The following AGBL3 variants were observed in gnomAD, a reference collection of about 807,000 sequenced individuals.
The protein encoded by AGBL3 is AGBL carboxypeptidase 3, also known as cytosolic carboxypeptidase 3.
Under a neutral mutation model 94.5 loss-of-function variants are expected in AGBL3, and 68 were observed. That is an observed-to-expected ratio of 0.72 (90% CI 0.59 to 0.88). The LOEUF (loss-of-function observed/expected upper bound fraction) is 0.88. Among genes scored for constraint, AGBL3 ranks in the 40% least tolerant of loss-of-function variants. AGBL3 has a pLI of 0.00. For synonymous variants in AGBL3, 354 were observed against 370.7 expected, an observed-to-expected ratio of 0.95 and a Z score of 0.52; for missense variants, 934 against 1,103.8, an observed-to-expected ratio of 0.85 and a Z score of 2.18.
rs531216809 is a variant in AGBL3 at position 135,032,918 on chromosome 7, C to T, written c.493C>T (p.Arg165Cys). The change falls in exon 6 of 17, where the codon CGT becomes TGT. Residue 165 changes from arginine to cysteine, a missense_variant. Arg to Cys is a radical substitution (Grantham distance 180). Coordinates refer to ENST00000436302, the MANE Select transcript of AGBL3 (RefSeq NM_178563.4). ...RTPLKQPVDY[R>C]DNTLMFEARF... ...ACCTTTGAAGCAGCCTGTGGATTAC[C>T]GTGACAATACTTTGATGTTTGAAGC... 51 of 1,551,326 alleles carry T rather than the reference C, an allele frequency of 3.3e-5. No individual in the cohort carries two copies. The highest frequency in any genetic ancestry group is 8.2e-5 in the African/African-American group (6 of 73,066).
At chr7:135,069,917 A>C (rs1819718099) in intron 12 of AGBL3, among the ~76,000 whole-genome samples, 1 of 152,242 alleles carries the variant, frequency 6.6e-6, no homozygotes, top group Non-Finnish European at 1.5e-5. Flanking sequence ...AACCCTTCAA[A>C]AAATCAATGA....
At chr7:135,077,125 T>C (rs1053349886) in intron 13 of AGBL3, among the ~76,000 whole-genome samples, 3 of 152,104 alleles carry the variant, frequency 2.0e-5, no homozygotes, top group Admixed American at 6.5e-5. Flanking sequence ...TCCCCAGAGC[T>C]ACCAAAGGGC....
At chr7:135,005,506 C>T (rs1360699229) in intron 4 of AGBL3, among the ~76,000 whole-genome samples, 1 of 151,680 alleles carries the variant, frequency 6.6e-6, no homozygotes, top group Non-Finnish European at 1.5e-5. Flanking sequence ...GATTAGGACT[C>T]AGCTCAATGT....
chr7:135,023,214 T>A (rs920267151), intron 5 of AGBL3, among the ~76,000 whole-genome samples: 5 of 152,146 alleles, frequency 3.3e-5, no homozygotes, highest in African/African-American at 1.2e-4. Flanking sequence ...GATGGCTGAC[T>A]AGACAGTCAG....
intron 11 of AGBL3, among the ~76,000 whole-genome samples, chr7:135,047,281 T>C (rs1483130928): frequency 6.6e-6 from 1 of 151,748 alleles, no homozygotes; most frequent in African/African-American, 2.4e-5. Flanking sequence ...TCTTTATCCA[T>C]TCATTTGTCA....
At chr7:135,106,276 G>A (rs1824704385) in intron 15 of AGBL3, among the ~76,000 whole-genome samples, 1 of 152,150 alleles carries the variant, frequency 6.6e-6, no homozygotes, top group African/African-American at 2.4e-5. Flanking sequence ...TGAATAGAAA[G>A]GTGAGAGAGG....
intron 15 of AGBL3, among the ~76,000 whole-genome samples, chr7:135,099,428 T>TTAAA (rs1209947156): frequency 1.3e-5 from 2 of 152,234 alleles, no homozygotes; most frequent in African/African-American, 4.8e-5. Context: ...AAACTAGCCA[T>TTAAA]TAAATATATG....
chr7:135,105,890 T>C (rs1824638237), intron 15 of AGBL3, among the ~76,000 whole-genome samples: 1 of 152,198 alleles, frequency 6.6e-6, no homozygotes, highest in South Asian at 2.1e-4. Context: ...GTTCCATTTG[T>C]TTATGTCACT....
Position 135,032,839 on chromosome 7 carries a change from AT to A in AGBL3, c.419-4del. The A allele has an allele frequency of 6.5e-7, 1 of 1,543,306 alleles. No homozygotes were observed. Among genetic ancestry groups the A allele is most frequent in the Non-Finnish European group, 8.7e-7 (1 of 1,143,928 alleles). On this transcript the variant is annotated splice_polypyrimidine_tract_variant and splice_region_variant and intron_variant, in intron 5 of 16. Coordinates refer to ENST00000436302, the MANE Select transcript of AGBL3 (RefSeq NM_178563.4). The stretch of plus-strand genomic sequence containing the variant: ...GACATCTTTATGATCTTCTTCTCTC[AT>A]CAGCTTACAAAGAGCCCTGTTTTGT...
chr7:134,987,924 A>T lies in AGBL3; in HGVS notation c.-10A>T. ...TATTACAAGAAATCTCAAGTCAAAC[A>T]CTGGAAAAGATGTCAGAAGATTCAG... On this transcript the variant is annotated 5_prime_UTR_variant, in exon 2 of 17. Transcript: ENST00000436302. 2 of 1,545,370 alleles carry T rather than the reference A, an allele frequency of 1.3e-6. No homozygotes were observed. The highest frequency in any genetic ancestry group is 1.7e-6 in the Non-Finnish European group (2 of 1,144,134).
chr7:135,056,877 CA>C (rs1350529017), intron 11 of AGBL3, among the ~76,000 whole-genome samples: 1 of 152,004 alleles, frequency 6.6e-6, no homozygotes, highest in Admixed American at 6.6e-5. Flanking sequence ...TGGCTATAGA[CA>C]AACTAATTCT....
At chr7:135,003,792 TACAGG>T (rs1812033128) in intron 4 of AGBL3, among the ~76,000 whole-genome samples, 1 of 151,538 alleles carries the variant, frequency 6.6e-6, no homozygotes, top group African/African-American at 2.4e-5. Flanking sequence ...CTTGTTTACA[TACAGG>T]AAAGTTATTT....
At chr7:135,078,480 A>G (rs566621161) in intron 13 of AGBL3, among the ~76,000 whole-genome samples, 4 of 144,436 alleles carry the variant, frequency 2.8e-5, no homozygotes, top group Non-Finnish European at 6.1e-5. Context: ...AGGACCCAAT[A>G]ACCAAAATAG....
chr7:135,067,606 G>A (rs916663865), intron 12 of AGBL3, among the ~76,000 whole-genome samples: 4 of 152,304 alleles, frequency 2.6e-5, no homozygotes, highest in African/African-American at 7.2e-5. Flanking sequence ...TGCAGCCTCC[G>A]CTGCTGATAC....
chr7:135,087,889 G>T (rs1821453669), intron 15 of AGBL3, among the ~76,000 whole-genome samples: 1 of 151,968 alleles, frequency 6.6e-6, no homozygotes, highest in Non-Finnish European at 1.5e-5. Context: ...CTGACTAGAT[G>T]ATCTGTCCAG....
Position 135,034,563 on chromosome 7 carries a change from A to G in AGBL3, c.972A>G (p.Lys324=). 1 of 1,551,890 alleles carries G rather than the reference A, an allele frequency of 6.4e-7. No individual in the cohort carries two copies. Among genetic ancestry groups the G allele is most frequent in the East Asian group, 2.4e-5 (1 of 40,930 alleles). ...ATCCAGTACGGTCAAAGTTTTGTAA[A>G]ATACGTGTTTTGTGCCACACGCTTG... is the stretch of plus-strand genomic sequence containing the variant. ...NNDPVRSKFC[K]IRVLCHTLAR... is the part of the protein sequence containing the mutation. Residue 324 remains lysine, a synonymous_variant, in exon 7 of 17, where the codon AAA becomes AAG. Coordinates refer to ENST00000436302, the MANE Select transcript of AGBL3 (RefSeq NM_178563.4).
intron 4 of AGBL3, 120 bp downstream of exon 4, chr7:134,993,798 G>A (rs1810617588): frequency 2.5e-6 from 2 of 814,240 alleles, no homozygotes; most frequent in South Asian, 4.5e-5. Context: ...TATAACATGA[G>A]CCACATAATG....
chr7:135,014,768 A>G (rs948362063), intron 4 of AGBL3, among the ~76,000 whole-genome samples: 1 of 152,254 alleles, frequency 6.6e-6, no homozygotes, highest in Non-Finnish European at 1.5e-5. Flanking sequence ...TCCATGAGAC[A>G]TAATGGCACA....
At chr7:135,059,284 G>A (rs1818616604) in intron 12 of AGBL3, 49 bp downstream of exon 12, 3 of 1,335,060 alleles carry the variant, frequency 2.2e-6, no homozygotes, top group African/African-American at 3.1e-5. Context: ...TGTAGGTACT[G>A]TTCTTATTGT....
Sources: gnomAD v4.1 joint callset for allele counts (sites outside exome capture counted in the v4.1 genomes callset) on GRCh38, gnomAD v4.1.1 for gene constraint, MANE v1.5 for transcripts, NCBI Gene and HGNC (gene_info 2026-07-23, HGNC 2026-07-21) for gene names.